Variants in BMP7 observed in about 807,000 individuals in gnomAD.
BMP7 encodes bone morphogenetic protein 7.
Under a neutral mutation model 41.2 loss-of-function variants are expected in BMP7, and 12 were observed. The observed-to-expected ratio is 0.29, with a 90% CI of 0.19 to 0.47. BMP7 has a LOEUF of 0.47. BMP7 is among the 20% of genes least tolerant of loss of function. The pLI, the probability that BMP7 is intolerant of heterozygous loss-of-function variation, is 0.99. For missense variants in BMP7, 467 were observed against 606.0 expected (o/e 0.77, Z 2.41); for synonymous variants, 248 against 250.0 (o/e 0.99, Z 0.07).
At chr20:57,256,605 C>T (rs998268460) in intron 1 of BMP7, among the ~76,000 whole-genome samples, 3 of 152,158 alleles carry the variant, frequency 2.0e-5, no homozygotes, top group East Asian at 1.9e-4. Flanking sequence ...AGGTGGCTTA[C>T]GCCTGTTATC....
At chr20:57,202,675 C>T (rs755801581) in intron 2 of BMP7, 52 bp from the exon 3 acceptor site, 13 of 1,442,572 alleles carry the variant, frequency 9.0e-6, no homozygotes, top group Non-Finnish European at 1.2e-5. Context: ...GTCACAGCTC[C>T]ACTACCCCAA....
intron 1 of BMP7, among the ~76,000 whole-genome samples, chr20:57,247,276 G>T (rs183037474): frequency 9.2e-5 from 14 of 152,258 alleles, no homozygotes; most frequent in Admixed American, 8.5e-4. Flanking sequence ...TCAAACATAT[G>T]ACTAAGAACC....
At chr20:57,207,813 T>G (rs6127969) in intron 2 of BMP7, among the ~76,000 whole-genome samples, 7,604 of 39,786 alleles carry the variant, frequency 0.19, 598 homozygotes, top group South Asian at 0.3. Flanking sequence ...CCCAGTTGGT[T>G]TTTTTTTTTT....
rs899360720 is a variant in BMP7, at chr20:57,228,925, C to T, written c.419-504G>A. 2.6e-5 allele frequency among the ~76,000 whole-genome samples: 4 copies of T among 152,220 alleles called. No homozygotes were observed. Among genetic ancestry groups the T allele is most frequent in the Non-Finnish European group, 4.4e-5 (3 of 68,040 alleles). On this transcript the variant is annotated intron_variant, in intron 1 of 6. Coordinates refer to ENST00000395863, the MANE Select transcript of BMP7 (RefSeq NM_001719.3). The surrounding 1 kb of genome is among the most constrained non-coding windows in gnomAD (Gnocchi z 4.5). ...TCTGCTAGGGTTGGATAACTGTTAG[C>T]TATTGTTGGTAAGCATAAACCTTAC...
intron 2 of BMP7, among the ~76,000 whole-genome samples, chr20:57,209,250 TATATATA>T (rs1162288901): frequency 6.5e-4 from 6 of 9,250 alleles, no homozygotes; most frequent in African/African-American, 3.3e-3. Flanking sequence ...TATATATTTT[TATATATA>T]TATATATATA....
At chr20:57,239,077 TAACTC>T (rs1156898099) in intron 1 of BMP7, among the ~76,000 whole-genome samples, 2 of 152,134 alleles carry the variant, frequency 1.3e-5, no homozygotes, top group African/African-American at 4.8e-5. Context: ...CCCAAATTCT[TAACTC>T]ATTTCAGCAT....
chr20:57,258,227 A>T (rs549954111), intron 1 of BMP7, among the ~76,000 whole-genome samples: 14 of 152,176 alleles, frequency 9.2e-5, no homozygotes, highest in Non-Finnish European at 1.6e-4. Flanking sequence ...GAATTTATGG[A>T]AAGTCTTGAA....
intron 1 of BMP7, among the ~76,000 whole-genome samples, chr20:57,257,786 G>A (rs1451634423): frequency 6.6e-5 from 7 of 105,668 alleles, no homozygotes; most frequent in Non-Finnish European, 9.8e-5. Flanking sequence ...AAAAAAACAG[G>A]AAAAGTGTCC....
intron 3 of BMP7, among the ~76,000 whole-genome samples, chr20:57,199,797 G>A (rs182368180): frequency 3.1e-4 from 47 of 152,258 alleles, no homozygotes; most frequent in Admixed American, 6.5e-4. Flanking sequence ...ATCCTCCCCC[G>A]ACTTGGGCAA....
chr20:57,172,938 G>A, intron 6 of BMP7: 1 of 606,032 alleles, frequency 1.7e-6, no homozygotes, highest in East Asian at 2.7e-5. Flanking sequence ...CATCCTCAAA[G>A]GAGCCCATAC....
chr20:57,237,016 C>T (rs2066050504), intron 1 of BMP7, among the ~76,000 whole-genome samples: 2 of 152,306 alleles, frequency 1.3e-5, no homozygotes, highest in South Asian at 2.1e-4. Context: ...CTCACTGCCC[C>T]CAAAGATGCC....
intron 3 of BMP7, among the ~76,000 whole-genome samples, chr20:57,195,145 C>A (rs1005949765): frequency 6.6e-6 from 1 of 152,188 alleles, no homozygotes; most frequent in African/African-American, 2.4e-5. Flanking sequence ...AGGAACCCAG[C>A]GAACTCTGCG....
At position 57,228,698 on chromosome 20, in the gene BMP7, G is replaced by A. The variant is rs564681229; in HGVS notation, c.419-277C>T. 1.6e-4 allele frequency among the ~76,000 whole-genome samples: 24 copies of A among 152,192 alleles called. No individual in the cohort carries two copies. Among genetic ancestry groups the A allele is most frequent in the Non-Finnish European group, 3.4e-4 (23 of 68,038 alleles). ...GGGCACTAACCACAGCCATCCAAGA[G>A]GTCCTGGCCAGACTCAGGTCCCAGG... On this transcript the variant is annotated intron_variant, in intron 1 of 6. Coordinates refer to ENST00000395863, the MANE Select transcript of BMP7 (RefSeq NM_001719.3). The surrounding 1 kb of genome is among the most constrained non-coding windows in gnomAD (Gnocchi z 4.5).
rs534867818 is a variant in BMP7 at position 57,245,725 on chromosome 20, G to A, written c.419-17304C>T. Among the ~76,000 whole-genome samples the A allele has an allele frequency of 2.9e-3, 420 of 143,964 alleles. 1 individual carries two copies. The highest frequency in any genetic ancestry group is 4.8e-3 in the Non-Finnish European group (319 of 67,146). 94.4% of individuals were successfully genotyped at this position (143,964 alleles called of 152,430 possible). ...GTGATCTCGGTTCACTGCAACCTCCGCCTCCTGGGTTCACGCCATTCTCCT... is the reference window on the plus strand; with the variant it reads ...GTGATCTCGGTTCACTGCAACCTCCACCTCCTGGGTTCACGCCATTCTCCT... On this transcript the variant is annotated intron_variant, in intron 1 of 6. Coordinates refer to ENST00000395863, the MANE Select transcript of BMP7 (RefSeq NM_001719.3).
At chr20:57,241,592 C>T (rs560380468) in intron 1 of BMP7, among the ~76,000 whole-genome samples, 9 of 152,324 alleles carry the variant, frequency 5.9e-5, no homozygotes, top group East Asian at 1.9e-4. Context: ...GAGTCCTACC[C>T]GCCTGGCTCT....
chr20:57,186,210 C>T (rs141945802), intron 3 of BMP7, among the ~76,000 whole-genome samples: 3 of 152,300 alleles, frequency 2.0e-5, no homozygotes, highest in Non-Finnish European at 4.4e-5. Context: ...CTGTGTTCCA[C>T]TGAGAGGTCA....
chr20:57,196,104 G>A (rs948468262), intron 3 of BMP7, among the ~76,000 whole-genome samples: 1 of 152,176 alleles, frequency 6.6e-6, no homozygotes, highest in Non-Finnish European at 1.5e-5. Context: ...CTGCAAACAA[G>A]GAAGAGGAGG....
intron 3 of BMP7, among the ~76,000 whole-genome samples, chr20:57,200,084 G>T (rs538955021): frequency 8.3e-4 from 127 of 152,364 alleles, no homozygotes; most frequent in Middle Eastern, 3.4e-3. Flanking sequence ...CCTGCACCAC[G>T]GGGATGTGAG....
chr20:57,199,617 C>T (rs758567459), intron 3 of BMP7, among the ~76,000 whole-genome samples: 5 of 152,190 alleles, frequency 3.3e-5, no homozygotes, highest in African/African-American at 1.2e-4. Flanking sequence ...CCCTGAAGGA[C>T]GCCAGGCTTG....
Sources: allele counts gnomAD v4.1 joint callset (sites outside exome capture counted in the v4.1 genomes callset), GRCh38; gene constraint gnomAD v4.1.1; non-coding constraint Gnocchi (gnomAD v3.1); transcripts MANE v1.5; gene names NCBI Gene and HGNC (gene_info 2026-07-23, HGNC 2026-07-21).